The following ANKRD18B variants were observed in gnomAD, a reference collection of about 807,000 sequenced individuals.
The protein encoded by ANKRD18B is ankyrin repeat domain-containing protein 18B.
Under a neutral mutation model 111.8 loss-of-function variants are expected in ANKRD18B, and 75 were observed. That is an observed-to-expected ratio of 0.67 (90% confidence interval 0.56 to 0.81). The LOEUF is 0.81. ANKRD18B is among the 40% of genes least tolerant of loss of function. The pLI, the probability that ANKRD18B is intolerant of heterozygous loss-of-function variation, is 0.00. For synonymous variants in ANKRD18B, 356 were observed against 417.3 expected (o/e 0.85, Z 1.79); for missense variants, 1,038 against 1,225.5 (o/e 0.85, Z 2.28).
chr9:33,533,236 C>T (rs633467), intron 3 of ANKRD18B, among the ~76,000 whole-genome samples: 6 of 152,160 alleles, frequency 3.9e-5, no homozygotes, highest in East Asian at 3.9e-4. Context: ...TGGAGATGAC[C>T]GAAGTTAACA....
intron 6 of ANKRD18B, among the ~76,000 whole-genome samples, chr9:33,537,885 T>C (rs911356700): frequency 6.6e-6 from 1 of 152,058 alleles, no homozygotes; most frequent in Admixed American, 6.6e-5. Flanking sequence ...ATAAAGAAAA[T>C]CATAGAAAAG....
downstream of ANKRD18B, among the ~76,000 whole-genome samples, chr9:33,573,957 GAACATAAAC>G (rs1482091624): frequency 6.9e-6 from 1 of 144,154 alleles, no homozygotes; most frequent in African/African-American, 2.4e-5. Flanking sequence ...TGATCGGTTG[GAACATAAAC>G]AATAAAAAAC....
At chr9:33,553,958 G>A (rs2118083334) in intron 12 of ANKRD18B, among the ~76,000 whole-genome samples, 1 of 151,696 alleles carries the variant, frequency 6.6e-6, no homozygotes, top group East Asian at 1.9e-4. Context: ...TGTAGCCCCA[G>A]CTACTTGGGA....
chr9:33,557,442 C>T (rs1054858334), intron 13 of ANKRD18B, among the ~76,000 whole-genome samples: 11 of 152,084 alleles, frequency 7.2e-5, no homozygotes, highest in Admixed American at 2.6e-4. Context: ...TTTACTAATA[C>T]GTTATTTCAT....
At chr9:33,529,846 C>T (rs991662167) in intron 3 of ANKRD18B, among the ~76,000 whole-genome samples, 4 of 152,042 alleles carry the variant, frequency 2.6e-5, no homozygotes, top group African/African-American at 7.2e-5. Context: ...AGTGAATATA[C>T]GGTGATGAAG....
chr9:33,561,714 A>AT (rs1042702072), intron 14 of ANKRD18B, among the ~76,000 whole-genome samples: 48 of 152,028 alleles, frequency 3.2e-4, no homozygotes, highest in Middle Eastern at 3.4e-3. Flanking sequence ...CAACTTTATA[A>AT]TTTTTTTTGC....
chr9:33,556,774 T>C (rs545008270), intron 13 of ANKRD18B, among the ~76,000 whole-genome samples: 2 of 152,346 alleles, frequency 1.3e-5, no homozygotes, highest in East Asian at 3.9e-4. Flanking sequence ...ATATATAGCT[T>C]GTATTTTGTT....
intron 17 of ANKRD18B, among the ~76,000 whole-genome samples, chr9:33,570,111 T>C (rs1828747514): frequency 6.6e-6 from 1 of 152,178 alleles, no homozygotes; most frequent in African/African-American, 2.4e-5. Flanking sequence ...TACCAAATAC[T>C]ATGCAGCCAT....
intron 13 of ANKRD18B, among the ~76,000 whole-genome samples, chr9:33,556,188 T>G (rs1486207642): frequency 2.0e-5 from 3 of 152,148 alleles, no homozygotes; most frequent in Non-Finnish European, 4.4e-5. Context: ...AAATTTATAT[T>G]AAAAATATGT....
intron 3 of ANKRD18B, among the ~76,000 whole-genome samples, chr9:33,531,638 T>G (rs1563899163): frequency 6.6e-6 from 1 of 150,536 alleles, no homozygotes; most frequent in Non-Finnish European, 1.5e-5. Flanking sequence ...ACCTCCTTCA[T>G]CCTTATAAGT....
At position 33,566,262 on chromosome 9, in the gene ANKRD18B, G is replaced by C; in HGVS notation, c.2504G>C (p.Cys835Ser). 3 of 1,559,864 alleles carry C rather than the reference G, an allele frequency of 1.9e-6. No individual in the cohort carries two copies. The highest frequency in any genetic ancestry group is 2.6e-6 in the Non-Finnish European group (3 of 1,149,992). ...MAEKEAVSSK[C>S]VNLAKDNEVL... ...GAGAAGGAAGCTGTATCTTCAAAAT[G>C]TGTCAATTTGGCCAAAGACAATGAA... The change falls in exon 15 of 19, where the codon TGT becomes TCT. Residue 835 changes from cysteine (C) to serine (S), a missense_variant. Coordinates refer to ENST00000684830, the MANE Select transcript of ANKRD18B (RefSeq NM_001393611.1).
At chr9:33,562,253 C>T (rs1427385266) in intron 14 of ANKRD18B, among the ~76,000 whole-genome samples, 4 of 151,376 alleles carry the variant, frequency 2.6e-5, no homozygotes, top group Admixed American at 2.0e-4. Context: ...TAGATGTTTA[C>T]CATCCAGGAA....
At chr9:33,538,384 G>T (rs1251883051) in intron 6 of ANKRD18B, among the ~76,000 whole-genome samples, 2 of 152,144 alleles carry the variant, frequency 1.3e-5, no homozygotes, top group Non-Finnish European at 2.9e-5. Context: ...CTTAGAACAA[G>T]CTGTGTTTTT....
In ANKRD18B at chr9:33,548,066, T is replaced by C. The variant is rs1160368279; in HGVS notation, c.1278T>C (p.Tyr426=). ...ACAGTCTCAGAAAGGAAAAGAAATA[T>C]ATTCAGGAAATTAAAAGTATTACAG... The part of the protein sequence containing the change: ...KNDSLRKEKK[Y]IQEIKSITEI... The change falls in exon 11 of 19, where the codon TAT becomes TAC. Residue 426 remains tyrosine, a synonymous_variant. Coordinates refer to ENST00000684830, the MANE Select transcript of ANKRD18B (RefSeq NM_001393611.1). 2 of 1,537,412 alleles carry C rather than the reference T, an allele frequency of 1.3e-6. No homozygotes were observed. Among genetic ancestry groups the C allele is most frequent in the Non-Finnish European group, 1.8e-6 (2 of 1,142,522 alleles).
In ANKRD18B at chr9:33,528,984, T is replaced by C. The variant is rs763819806; in HGVS notation, c.322-16T>C. The C allele has an allele frequency of 2.5e-6, 4 of 1,610,910 alleles. No individual in the cohort carries two copies. The highest frequency in any genetic ancestry group is 3.4e-6 in the Non-Finnish European group (4 of 1,179,460). ...TCTTAGAATTTATAGTCTAGTTTTT[T>C]ATCTAACACTAATAGGCTGTACACT... On this transcript the variant is annotated splice_polypyrimidine_tract_variant and intron_variant, in intron 2 of 18. Transcript: ENST00000684830.
intron 13 of ANKRD18B, among the ~76,000 whole-genome samples, chr9:33,556,983 T>A (rs1440279995): frequency 1.3e-5 from 2 of 152,078 alleles, no homozygotes; most frequent in Non-Finnish European, 2.9e-5. Flanking sequence ...AGACTTTTTT[T>A]AAAAAAATGG....
intron 1 of ANKRD18B, 107 bp downstream of exon 1, chr9:33,524,802 C>G: frequency 7.6e-7 from 1 of 1,307,474 alleles, no homozygotes; most frequent in Non-Finnish European, 1.0e-6. Flanking sequence ...AGCCGCGGAG[C>G]CAAATGGAGC....
chr9:33,534,222 A>G (rs564972261), intron 4 of ANKRD18B, 148 bp from the exon 5 acceptor site: 5 of 1,119,802 alleles, frequency 4.5e-6, no homozygotes, highest in Admixed American at 6.9e-5. Context: ...TGAGCACCCA[A>G]GATGCTTATA....
intron 1 of ANKRD18B, among the ~76,000 whole-genome samples, chr9:33,527,284 G>A (rs1828037356): frequency 6.6e-6 from 1 of 151,264 alleles, no homozygotes; most frequent in African/African-American, 2.4e-5. Context: ...TCAATCATGA[G>A]TTTCCTTTAG....
Sources: gnomAD v4.1 joint callset for allele counts (sites outside exome capture counted in the v4.1 genomes callset) on GRCh38, gnomAD v4.1.1 for gene constraint, MANE v1.5 for transcripts, NCBI Gene and HGNC (gene_info 2026-07-23, HGNC 2026-07-21) for gene names.